Variants in MROH1 observed in about 807,000 individuals in gnomAD.
MROH1 encodes maestro heat like repeat family member 1.
MROH1 carries 117 observed loss-of-function variants against 116.5 expected under a neutral mutation model. The ratio of observed to expected loss-of-function variants is 1.00; its 90% confidence interval spans 0.86 to 1.17. The LOEUF is 1.17. Among genes scored for constraint, MROH1 ranks in the 50% most tolerant of loss-of-function variants. MROH1 has a pLI of 0.00. For missense variants in MROH1, 1,873 were observed against 1,338.5 expected (o/e 1.40, Z -6.23); for synonymous variants, 921 against 583.9 (o/e 1.58, Z -8.32).
rs992493290 is a variant in MROH1 at position 144,246,253 on chromosome 8, C to T, written c.2871+993C>T. Among the ~76,000 whole-genome samples, 11 of 151,792 alleles carry T rather than the reference C, an allele frequency of 7.2e-5. No individual in the cohort carries two copies. The South Asian group carries it at 8.3e-4, about 12-fold the overall frequency. On this transcript the variant is annotated intron_variant, in intron 29 of 43. Transcript: ENST00000326134. ...CCTCCCGAGTAGCTGGGATTACAGG[C>T]GCCCACCACCACTGCCGGCTAATTT...
rs765278330 is a variant in MROH1 at position 144,180,523 on chromosome 8, G to A, written c.562G>A (p.Ala188Thr). The change falls in exon 7 of 44, where the codon GCT becomes ACT. Residue 188 changes from alanine (A) to threonine (T), a missense_variant and splice_region_variant. Transcript: ENST00000326134. This position sits in a 1 kb window ranked among gnomAD's most constrained non-coding sequence, Gnocchi z 7.4. ...QDTVRVAFCSALQRFSEGALE... is the reference protein window; with the variant it reads ...QDTVRVAFCSTLQRFSEGALE... ...CACGGTGCGCGTGGCCTTCTGCTCC[G>A]GTAAGAGGCGGCCTCGTCACCTTCT... 1.7e-5 allele frequency: 28 copies of A among 1,608,278 alleles called. No individual in the cohort carries two copies. The Admixed American group carries it at 3.2e-4, about 18-fold the overall frequency.
chr8:144,166,299 G>T (rs570935514), intron 3 of MROH1, among the ~76,000 whole-genome samples: 2 of 152,210 alleles, frequency 1.3e-5, no homozygotes, highest in South Asian at 2.1e-4. Flanking sequence ...GGGACGTGGC[G>T]TGGAAGTTGT....
chr8:144,180,178 G>A lies in MROH1; in HGVS notation c.301G>A (p.Asp101Asn). The change falls in exon 6 of 44, where the codon GAC becomes AAC. Residue 101 changes from aspartate to asparagine, a missense_variant and splice_region_variant. Transcript: ENST00000326134. This position sits in a 1 kb window ranked among gnomAD's most constrained non-coding sequence, Gnocchi z 7.4. ...LASSEMTKTK[D>N]LVWDWQQAAS... ...CTACCTGCCGGTGTTTTGGGTTCAG[G>A]ACCTGGTCTGGGACTGGCAGCAGGC... The A allele has an allele frequency of 1.9e-6, 3 of 1,613,854 alleles. No individual in the cohort carries two copies. The highest frequency in any genetic ancestry group is 2.5e-6 in the Non-Finnish European group (3 of 1,179,808).
At chr8:144,172,469 T>A (rs957615830) in intron 4 of MROH1, among the ~76,000 whole-genome samples, 1 of 150,970 alleles carries the variant, frequency 6.6e-6, no homozygotes, top group African/African-American at 2.4e-5. Flanking sequence ...TGGAGGGCAA[T>A]GGCGCGATCT....
chr8:144,206,329 T>G (rs1222380179), intron 12 of MROH1, among the ~76,000 whole-genome samples: 1 of 152,210 alleles, frequency 6.6e-6, no homozygotes, highest in East Asian at 1.9e-4. Flanking sequence ...CTGCTGTCAG[T>G]GCACTCTTCT....
At chr8:144,257,784 G>A (rs1220319609) in intron 35 of MROH1, among the ~76,000 whole-genome samples, 10 of 152,364 alleles carry the variant, frequency 6.6e-5, no homozygotes, top group East Asian at 1.9e-4. Flanking sequence ...GTCACCACAC[G>A]GCCCGTGCCG....
chr8:144,245,180 C>A lies in MROH1; in HGVS notation c.2791C>A (p.Pro931Thr). The change falls in exon 29 of 44, where the codon CCA (proline) becomes ACA (threonine). Residue 931 changes from proline to threonine, a missense_variant. Transcript: ENST00000326134. ...IEHLSPWIKSPRGHERARALG... is the reference protein window; with the variant it reads ...IEHLSPWIKSTRGHERARALG... Reference sequence around the variant, plus strand: ...GCACCTGAGCCCATGGATCAAGTCCCCAAGAGGTCACGAGCGGGCGCGGGC... The same window carrying A: ...GCACCTGAGCCCATGGATCAAGTCCACAAGAGGTCACGAGCGGGCGCGGGC... 1 of 779,286 alleles carries A rather than the reference C, an allele frequency of 1.3e-6. No homozygotes were observed. The highest frequency in any genetic ancestry group is 1.7e-5 in the Admixed American group (1 of 59,040). 48.3% of individuals were successfully genotyped at this position (779,286 alleles called of 1,614,324 possible).
At chr8:144,248,101 G>T (rs893152069) in intron 31 of MROH1, among the ~76,000 whole-genome samples, 6 of 152,316 alleles carry the variant, frequency 3.9e-5, no homozygotes, top group African/African-American at 1.4e-4. Context: ...TAGGGTCATC[G>T]CCTGCAGGGT....
chr8:144,174,082 A>T (rs1017188416), intron 4 of MROH1, among the ~76,000 whole-genome samples: 1 of 152,148 alleles, frequency 6.6e-6, no homozygotes, highest in Non-Finnish European at 1.5e-5. Context: ...TGAGGAGTGT[A>T]TGCTGATTGG....
At chr8:144,191,913 G>T in intron 9 of MROH1, 58 bp downstream of exon 9, 1 of 1,599,530 alleles carries the variant, frequency 6.3e-7, no homozygotes, top group Admixed American at 1.7e-5. Flanking sequence ...CAGACTCCCC[G>T]GGGGTGGCCG....
chr8:144,152,555 A>ATTATTTATTTT (rs1369841266), intron 1 of MROH1, among the ~76,000 whole-genome samples: 1 of 130,528 alleles, frequency 7.7e-6, no homozygotes, highest in African/African-American at 2.8e-5. Flanking sequence ...TATTATTATT[A>ATTATTTATTTT]TTTTTTTTTT....
chr8:144,230,102 A>G (rs1259157018), intron 14 of MROH1, among the ~76,000 whole-genome samples: 1 of 152,202 alleles, frequency 6.6e-6, no homozygotes, highest in Non-Finnish European at 1.5e-5. Context: ...CGGTTTCTCC[A>G]TCAGCAATTT....
At chr8:144,222,921 T>C (rs1468208728) in intron 13 of MROH1, among the ~76,000 whole-genome samples, 187 bp from the exon 14 acceptor site, 1 of 151,148 alleles carries the variant, frequency 6.6e-6, no homozygotes, top group Non-Finnish European at 1.5e-5. Context: ...TGGAGGTAGG[T>C]CCAGGTACAG....
At chr8:144,244,052 G>GCTTGCGTGTGTGCACGC (rs1483737697) in intron 26 of MROH1, 110 bp downstream of exon 26, 15 of 715,782 alleles carry the variant, frequency 2.1e-5, no homozygotes, top group Non-Finnish European at 3.9e-5. Context: ...GTGTGCCTGT[G>GCTTGCGTGTGTGCACGC]CTTGCGTGTG....
intron 33 of MROH1, among the ~76,000 whole-genome samples, chr8:144,254,240 C>T (rs1412143780): frequency 1.3e-5 from 2 of 152,222 alleles, no homozygotes; most frequent in Non-Finnish European, 2.9e-5. Context: ...TAGACTGGCA[C>T]CAAATATGTC....
At chr8:144,201,892 G>A (rs1052414527) in intron 12 of MROH1, among the ~76,000 whole-genome samples, 2 of 152,012 alleles carry the variant, frequency 1.3e-5, no homozygotes, top group African/African-American at 4.8e-5. Context: ...GTGGTGGCGG[G>A]CGCCTGTAAT....
intron 4 of MROH1, among the ~76,000 whole-genome samples, chr8:144,172,774 T>C (rs997694022): frequency 1.3e-5 from 2 of 152,106 alleles, no homozygotes; most frequent in African/African-American, 4.8e-5. Context: ...CTATAAGCAC[T>C]CCCTGAGATG....
Position 144,239,269 on chromosome 8 carries a change from C to T in MROH1, c.1592-54C>T, listed in dbSNP as rs1382121421. ...TCCCCATCCTCCAGTTCCTGACACCCGCCCCAGGGCTACAGGCAGCCCCCC... is the reference window on the plus strand; with the variant it reads ...TCCCCATCCTCCAGTTCCTGACACCTGCCCCAGGGCTACAGGCAGCCCCCC... On this transcript the variant is annotated intron_variant, in intron 16 of 43. Transcript: ENST00000326134. The T allele has an allele frequency of 1.8e-5, 14 of 777,670 alleles. 1 individual carries two copies. Among genetic ancestry groups the T allele is most frequent in the African/African-American group, 6.8e-5 (4 of 59,030 alleles). The allele number at this position is 777,670 out of a possible 1,614,324, so 48.2% of individuals were successfully genotyped here. A position where few individuals can be genotyped will look rare whatever the true frequency, so the allele number is the denominator to read the frequency against.
chr8:144,255,073 C>A lies in MROH1; in HGVS notation c.3594+95C>A. 4.6e-6 allele frequency: 3 copies of A among 646,850 alleles called. No individual in the cohort carries two copies. The South Asian group carries it at 5.0e-5, about 11-fold the overall frequency. The allele number at this position is 646,850 out of a possible 1,614,324, so 40.1% of individuals were successfully genotyped here. ...GCCTTTTGATGAGGTGGCCCGGACG[C>A]CACCCCACAGGCACCTGGAGGCAGC... On this transcript the variant is annotated intron_variant, in intron 34 of 43. Transcript: ENST00000326134.
Sources: gnomAD v4.1 joint callset for allele counts (sites outside exome capture counted in the v4.1 genomes callset) on GRCh38, gnomAD v4.1.1 for gene constraint, Gnocchi (gnomAD v3.1) non-coding constraint, MANE v1.5 for transcripts, NCBI Gene and HGNC (gene_info 2026-07-23, HGNC 2026-07-21) for gene names.